LOXL2: variants seen among roughly 807,000 people sequenced by gnomAD.
LOXL2 encodes lysyl oxidase homolog 2.
Under a neutral mutation model 93.0 loss-of-function variants are expected in LOXL2, and 70 were observed. The ratio of observed to expected loss-of-function variants is 0.75; its 90% CI spans 0.62 to 0.92. The LOEUF (loss-of-function observed/expected upper bound fraction) is 0.92, where lower values mean the gene tolerates loss of function less well. Among genes scored for constraint, LOXL2 ranks in the 40% least tolerant of loss-of-function variants. The pLI, the probability that LOXL2 is intolerant of heterozygous loss-of-function variation, is 0.00. For synonymous variants in LOXL2, 438 were observed against 413.2 expected, an observed-to-expected ratio of 1.06 and a Z score of -0.73; for missense variants, 973 against 1,054.9, an observed-to-expected ratio of 0.92 and a Z score of 1.08.
chr8:23,384,419 A>G (rs1051380378), intron 1 of LOXL2, among the ~76,000 whole-genome samples: 1 of 152,214 alleles, frequency 6.6e-6, no homozygotes, highest in Non-Finnish European at 1.5e-5. Flanking sequence ...AGGGGAGAAC[A>G]GGCTACCTGC....
chr8:23,392,325 G>A (rs1804857027), intron 1 of LOXL2, among the ~76,000 whole-genome samples: 1 of 152,210 alleles, frequency 6.6e-6, no homozygotes, highest in African/African-American at 2.4e-5. Flanking sequence ...GGCATCAAGT[G>A]TCACATCACT....
At position 23,320,022 on chromosome 8, in the gene LOXL2, C is replaced by A; in HGVS notation, c.1333G>T (p.Glu445Ter). ...LRLNGGRNPY[E>*]GRVEVLVERN... Reference sequence around the variant, plus strand: ...TCCACCAGCACCTCCACTCGGCCCTCGTAGGGATTGCGGCCGCCGTTCAGG... The same window carrying A: ...TCCACCAGCACCTCCACTCGGCCCTAGTAGGGATTGCGGCCGCCGTTCAGG... Residue 445 changes from glutamate (E) to a stop codon, truncating the protein, a stop_gained, in exon 8 of 14, where the codon GAG becomes TAG. Transcript: ENST00000389131. LOFTEE classifies it high-confidence loss of function. The A allele has an allele frequency of 6.2e-7, 1 of 1,614,056 alleles. No individual in the cohort carries two copies.
chr8:23,302,147 G>T lies in LOXL2; in HGVS notation c.2013C>A (p.Tyr671Ter), dbSNP rs200460771. The T allele has an allele frequency of 1.1e-5, 17 of 1,614,014 alleles. No homozygotes were observed. Among genetic ancestry groups the T allele is most frequent in the Non-Finnish European group, 1.4e-5 (16 of 1,180,018 alleles). The change falls in exon 12 of 14, where the codon TAC becomes TAA. Residue 671 changes from tyrosine to a stop codon, truncating the protein, a stop_gained. Transcript: ENST00000389131. LOFTEE classifies it high-confidence loss of function. ...CCTGATCGCCGAAGTTGGCACACTC[G>T]TAATTCTTCTGGATGTCTGCGGGCA... ...TECEGDIQKN[Y>*]ECANFGDQGI... is the part of the protein sequence containing the mutation.
At chr8:23,372,294 T>A (rs1226290579) in intron 1 of LOXL2, among the ~76,000 whole-genome samples, 1 of 151,782 alleles carries the variant, frequency 6.6e-6, no homozygotes, top group Non-Finnish European at 1.5e-5. Flanking sequence ...CTCAGCTCAC[T>A]GCAACCACTG....
intron 9 of LOXL2, among the ~76,000 whole-genome samples, chr8:23,310,292 T>C (rs1803303884): frequency 6.6e-6 from 1 of 152,190 alleles, no homozygotes; most frequent in African/African-American, 2.4e-5. Flanking sequence ...AAGTTTTCCA[T>C]AATAAAATGC....
At position 23,320,164 on chromosome 8, in the gene LOXL2, A is replaced by T; in HGVS notation, c.1303-112T>A. On this transcript the variant is annotated intron_variant, in intron 7 of 13. Coordinates refer to ENST00000389131, the MANE Select transcript of LOXL2 (RefSeq NM_002318.3). ...CCTAAGCCAGGTGGTGCTGCCCGGG[A>T]CACACTCAGATTCAGCAGCACCCTT... 4 of 1,137,024 alleles carry T rather than the reference A, an allele frequency of 3.5e-6. No homozygotes were observed. In the Admixed American group the frequency reaches 8.4e-5, roughly 24 times the overall value. The allele number at this position is 1,137,024 out of a possible 1,614,324, so 70.4% of individuals were successfully genotyped here. A position where few individuals can be genotyped will look rare whatever the true frequency, so the allele number is the denominator to read the frequency against.
chr8:23,356,003 T>G (rs1184357763), intron 3 of LOXL2, among the ~76,000 whole-genome samples: 1 of 152,176 alleles, frequency 6.6e-6, no homozygotes, highest in Admixed American at 6.5e-5. Flanking sequence ...TATAGGACCT[T>G]CTATTCATCC....
intron 6 of LOXL2, among the ~76,000 whole-genome samples, chr8:23,326,054 G>C (rs7012848): frequency 0.72 from 109,590 of 152,230 alleles, 39,634 homozygotes; most frequent in Middle Eastern, 0.76. Flanking sequence ...TTCATGCCTC[G>C]TGGCTGTGGG....
At chr8:23,367,080 G>C (rs1030598573) in intron 2 of LOXL2, among the ~76,000 whole-genome samples, 1 of 152,022 alleles carries the variant, frequency 6.6e-6, no homozygotes, top group Non-Finnish European at 1.5e-5. Context: ...ATGGAGTCTC[G>C]CTCTGTCACC....
intron 8 of LOXL2, among the ~76,000 whole-genome samples, chr8:23,319,041 A>C (rs1803451930): frequency 6.6e-6 from 1 of 152,230 alleles, no homozygotes; most frequent in African/African-American, 2.4e-5. Flanking sequence ...GGAGAGCTGG[A>C]GTCAGGGTTA....
At position 23,323,889 on chromosome 8, in the gene LOXL2, A is replaced by G. The variant is rs762049861; in HGVS notation, c.1151-1608T>C. On this transcript the variant is annotated intron_variant, in intron 6 of 13. Transcript: ENST00000389131. Reference sequence around the variant, plus strand: ...GCTAATTTTTGTGTTTTTAGTAGACATGGGGTTTCACCATGTTGGCCAGGA... The same window carrying G: ...GCTAATTTTTGTGTTTTTAGTAGACGTGGGGTTTCACCATGTTGGCCAGGA... Among the ~76,000 whole-genome samples, 3 of 152,080 alleles carry G rather than the reference A, an allele frequency of 2.0e-5. No individual in the cohort carries two copies. The East Asian group carries it at 5.8e-4, about 29-fold the overall frequency.
intron 3 of LOXL2, among the ~76,000 whole-genome samples, chr8:23,353,139 C>A (rs763508360): frequency 2.0e-5 from 3 of 152,134 alleles, no homozygotes; most frequent in African/African-American, 2.4e-5. Flanking sequence ...GACTGGGCAA[C>A]GTGCGGAGCA....
intron 1 of LOXL2, among the ~76,000 whole-genome samples, chr8:23,393,391 A>G (rs777689199): frequency 6.6e-6 from 1 of 152,262 alleles, no homozygotes; most frequent in Non-Finnish European, 1.5e-5. Flanking sequence ...GAGTCCAGAA[A>G]TAAACTCATA....
chr8:23,303,703 T>C (rs924090265), intron 10 of LOXL2, among the ~76,000 whole-genome samples: 13 of 152,152 alleles, frequency 8.5e-5, no homozygotes, highest in African/African-American at 3.1e-4. Flanking sequence ...TAGCCAGCAC[T>C]GCATATGATA....
At chr8:23,365,542 TC>T (rs1241207000) in intron 2 of LOXL2, 1 of 152,120 alleles carries the variant, frequency 6.6e-6, no homozygotes, top group African/African-American at 2.4e-5. Flanking sequence ...AGCATCTGTT[TC>T]TTTCTCCTCT....
intron 10 of LOXL2, among the ~76,000 whole-genome samples, chr8:23,309,319 G>A (rs1803284303): frequency 6.6e-6 from 1 of 152,212 alleles, no homozygotes; most frequent in Non-Finnish European, 1.5e-5. Context: ...TCCAGCAACT[G>A]CACAGCCTGG....
chr8:23,368,692 G>C (rs1039413250), intron 1 of LOXL2, among the ~76,000 whole-genome samples: 5 of 152,152 alleles, frequency 3.3e-5, no homozygotes, highest in African/African-American at 1.2e-4. Flanking sequence ...CTTAATTTAA[G>C]GAGAGTTTTT....
intron 3 of LOXL2, among the ~76,000 whole-genome samples, chr8:23,358,830 G>A (rs1413924325): frequency 2.0e-5 from 3 of 150,332 alleles, no homozygotes; most frequent in African/African-American, 7.3e-5. Flanking sequence ...TCAGTGGGGA[G>A]GCCCCAGTAC....
At chr8:23,335,967 C>T (rs763637157) in intron 4 of LOXL2, among the ~76,000 whole-genome samples, 2 of 152,152 alleles carry the variant, frequency 1.3e-5, no homozygotes, top group Non-Finnish European at 2.9e-5. Flanking sequence ...CTCACCACAG[C>T]GGCAGCCCAG....
Sources: gnomAD v4.1 joint callset for allele counts (sites outside exome capture counted in the v4.1 genomes callset) on GRCh38, gnomAD v4.1.1 for gene constraint, MANE v1.5 for transcripts, NCBI Gene and HGNC (gene_info 2026-07-23, HGNC 2026-07-21) for gene names.